The following FER variants were observed in gnomAD, a reference collection of about 807,000 sequenced individuals.
FER encodes tyrosine-protein kinase Fer.
In FER, 63 loss-of-function variants were observed where a neutral mutation model predicts 111.0. The observed-to-expected ratio is 0.57, with a 90% CI of 0.46 to 0.70. The LOEUF is 0.70. Among genes scored for constraint, FER ranks in the 30% least tolerant of loss-of-function variants. The pLI is 0.00. For synonymous variants in FER, 327 were observed against 313.9 expected (o/e 1.04, Z -0.44); for missense variants, 914 against 954.0 (o/e 0.96, Z 0.55).
At chr5:108,849,454 T>TG (rs2150182165) in intron 5 of FER, among the ~76,000 whole-genome samples, 1 of 146,662 alleles carries the variant, frequency 6.8e-6, no homozygotes, top group African/African-American at 2.5e-5. Context: ...TGGTGGTGGT[T>TG]TTGTTGTTGT....
chr5:108,929,182 C>A (rs1416438998), intron 10 of FER, among the ~76,000 whole-genome samples: 1 of 151,952 alleles, frequency 6.6e-6, no homozygotes, highest in Non-Finnish European at 1.5e-5. Context: ...AGGTATATAT[C>A]CTGCAGTAAT....
intron 6 of FER, among the ~76,000 whole-genome samples, chr5:108,868,155 G>C (rs1370026188): frequency 1.3e-5 from 2 of 151,822 alleles, no homozygotes; most frequent in Admixed American, 6.6e-5. Flanking sequence ...TTCCAAAATG[G>C]TCCTTCTTTT....
At chr5:109,027,548 A>G (rs1394495898) in intron 13 of FER, among the ~76,000 whole-genome samples, 4 of 152,156 alleles carry the variant, frequency 2.6e-5, no homozygotes, top group Non-Finnish European at 5.9e-5. Flanking sequence ...AATCACTCTG[A>G]CTTACCTACT....
intron 13 of FER, among the ~76,000 whole-genome samples, chr5:108,994,782 T>G (rs1763777589): frequency 6.6e-6 from 1 of 152,198 alleles, no homozygotes; most frequent in South Asian, 2.1e-4. Flanking sequence ...CTCTCTTATT[T>G]CCTTGAGCAG....
chr5:108,914,535 G>A (rs1752004749), intron 10 of FER, among the ~76,000 whole-genome samples: 2 of 152,070 alleles, frequency 1.3e-5, no homozygotes, highest in African/African-American at 2.4e-5. Flanking sequence ...AAGGATTTTT[G>A]TCTTAAAGAT....
intron 13 of FER, among the ~76,000 whole-genome samples, chr5:109,034,797 A>G (rs1770135772): frequency 6.6e-6 from 1 of 152,142 alleles, no homozygotes; most frequent in African/African-American, 2.4e-5. Context: ...TCCAAGAATC[A>G]GTTTGCAACT....
rs547013572 is a variant in FER, at chr5:109,127,465, G to C, written c.2048+26946G>C. Among the ~76,000 whole-genome samples, 4 of 152,174 alleles carry C rather than the reference G, an allele frequency of 2.6e-5. No individual in the cohort carries two copies. The South Asian group carries it at 8.3e-4, about 32-fold the overall frequency. ...TGTTGCCAGGCTGGAGTGCAGTGAC[G>C]TGATCTCGGCTCACTGCAATCTCCA... On this transcript the variant is annotated intron_variant, in intron 17 of 19. Transcript: ENST00000281092.
In FER at chr5:109,195,177, C is replaced by A. The variant is rs188949417; in HGVS notation, c.*7602C>A. On this transcript the variant is annotated 3_prime_UTR_variant, in exon 20 of 20. Coordinates refer to ENST00000281092, the MANE Select transcript of FER (RefSeq NM_005246.4). Reference sequence around the variant, plus strand: ...ATGCCAGACAGTTGGAAGCAAATGCCGAGGGAAAGGTGCCCAGAGCCATGC... The same window carrying A: ...ATGCCAGACAGTTGGAAGCAAATGCAGAGGGAAAGGTGCCCAGAGCCATGC... 2 of 152,106 alleles carry A rather than the reference C, an allele frequency of 1.3e-5. No individual in the cohort carries two copies. Among genetic ancestry groups the A allele is most frequent in the Non-Finnish European group, 2.9e-5 (2 of 68,020 alleles). The allele number at this position is 152,106 out of a possible 1,614,324, so 9.4% of individuals were successfully genotyped here.
chr5:108,903,402 C>T (rs139744418), intron 10 of FER, among the ~76,000 whole-genome samples: 1,923 of 152,280 alleles, frequency 0.013, 25 homozygotes, highest in Middle Eastern at 0.044. Flanking sequence ...TGGTGGTTTG[C>T]GCCTGTAATC....
rs1427870707 is a variant in FER, at chr5:109,195,453, A to T, written c.*7878A>T. ...ACTATTTTTGGCTTTAGTGTCAAAG[A>T]GATTGGTTCTACAAGGTTCATCTGA... is the stretch of plus-strand genomic sequence containing the variant. On this transcript the variant is annotated 3_prime_UTR_variant, in exon 20 of 20. Transcript: ENST00000281092. 6.6e-6 allele frequency: 1 copy of T among 152,228 alleles called. No individual in the cohort carries two copies. The highest frequency in any genetic ancestry group is 1.5e-5 in the Non-Finnish European group (1 of 68,044). 9.4% of individuals were successfully genotyped at this position (152,228 alleles called of 1,614,324 possible).
At chr5:109,076,736 C>T (rs1776389734) in intron 16 of FER, among the ~76,000 whole-genome samples, 1 of 152,166 alleles carries the variant, frequency 6.6e-6, no homozygotes, top group East Asian at 1.9e-4. Flanking sequence ...CTGTACCTGG[C>T]CTGTAAGGTT....
At chr5:108,782,293 T>C (rs1387839558) in intron 2 of FER, among the ~76,000 whole-genome samples, 1 of 152,054 alleles carries the variant, frequency 6.6e-6, no homozygotes, top group African/African-American at 2.4e-5. Flanking sequence ...AAGTATTTTT[T>C]TTTTTTTTAA....
rs140509839 is a variant in FER, at chr5:108,852,907, T to G, written c.482-14860T>G. Among the ~76,000 whole-genome samples the G allele has an allele frequency of 6.1e-3, 931 of 152,298 alleles. 16 individuals are homozygous for G. Among genetic ancestry groups the G allele is most frequent in the African/African-American group, 0.022 (897 of 41,576 alleles). ...TCATTAAACACTGAAATATATGGGA[T>G]GGAATATGCTATATGATTCATTTAT... On this transcript the variant is annotated intron_variant, in intron 5 of 19. Transcript: ENST00000281092.
intron 1 of FER, among the ~76,000 whole-genome samples, chr5:108,764,239 A>G (rs1399672853): frequency 1.3e-5 from 2 of 152,180 alleles, no homozygotes; most frequent in Non-Finnish European, 2.9e-5. Flanking sequence ...ACACAGGTCT[A>G]TTACTTACAT....
intron 17 of FER, among the ~76,000 whole-genome samples, chr5:109,157,843 T>G (rs1755565764): frequency 6.6e-6 from 1 of 152,100 alleles, no homozygotes; most frequent in Admixed American, 6.6e-5. Flanking sequence ...CTACCTCGGT[T>G]TTGAGGTTCC....
intron 13 of FER, among the ~76,000 whole-genome samples, chr5:108,985,596 A>C (rs1005357659): frequency 2.0e-5 from 3 of 151,900 alleles, no homozygotes; most frequent in Non-Finnish European, 2.9e-5. Context: ...CCCTCCCACC[A>C]TTTCCCACGA....
intron 9 of FER, among the ~76,000 whole-genome samples, chr5:108,889,157 T>G (rs1017620138): frequency 2.0e-5 from 3 of 151,800 alleles, no homozygotes; most frequent in Non-Finnish European, 2.9e-5. Flanking sequence ...TGGAGGTACC[T>G]GAAAAAACTA....
At chr5:108,975,438 T>C (rs1761210350) in intron 13 of FER, among the ~76,000 whole-genome samples, 1 of 152,110 alleles carries the variant, frequency 6.6e-6, no homozygotes, top group Non-Finnish European at 1.5e-5. Flanking sequence ...TTGTCTTGCA[T>C]TAAGCTACTA....
intron 16 of FER, among the ~76,000 whole-genome samples, chr5:109,072,585 C>T (rs1298199636): frequency 6.6e-6 from 1 of 151,772 alleles, no homozygotes; most frequent in Admixed American, 6.6e-5. Context: ...TCCCTTTAAT[C>T]CGTTTTTTAG....
Sources: allele counts gnomAD v4.1 joint callset (sites outside exome capture counted in the v4.1 genomes callset), GRCh38; gene constraint gnomAD v4.1.1; transcripts MANE v1.5; gene names NCBI Gene and HGNC (gene_info 2026-07-23, HGNC 2026-07-21).